Variants in STAC observed in about 807,000 individuals in gnomAD.
STAC encodes SH3 and cysteine rich domain.
In STAC, 43 loss-of-function variants were observed where a neutral mutation model predicts 48.8. The ratio of observed to expected loss-of-function variants is 0.88; its 90% CI spans 0.69 to 1.14. STAC has a LOEUF of 1.14. STAC is among the 50% of genes most tolerant of loss of function. STAC has a pLI of 0.00. For synonymous variants in STAC, 193 were observed against 179.5 expected, an observed-to-expected ratio of 1.07 and a Z score of -0.60; for missense variants, 497 against 504.0, an observed-to-expected ratio of 0.99 and a Z score of 0.13.
intron 1 of STAC, among the ~76,000 whole-genome samples, chr3:36,394,648 G>A: frequency 6.6e-6 from 1 of 152,106 alleles, no homozygotes; most frequent in East Asian, 1.9e-4. Context: ...TGTAATCCCA[G>A]CACTTTGGGA....
chr3:36,488,328 A>C (rs1697871502), intron 5 of STAC, among the ~76,000 whole-genome samples: 2 of 152,326 alleles, frequency 1.3e-5, no homozygotes, highest in Admixed American at 1.3e-4. Context: ...AACAAGGCAA[A>C]TATGTTACCT....
chr3:36,438,030 C>T (rs1192841028), intron 1 of STAC, among the ~76,000 whole-genome samples: 1 of 151,354 alleles, frequency 6.6e-6, no homozygotes, highest in African/African-American at 2.4e-5. Context: ...CCTTGCCTCC[C>T]AGGTTCAAGC....
intron 2 of STAC, among the ~76,000 whole-genome samples, chr3:36,481,611 T>G (rs1226541479): frequency 6.6e-6 from 1 of 152,230 alleles, no homozygotes; most frequent in African/African-American, 2.4e-5. Context: ...AGACTTACTT[T>G]GTTGAAATCC....
chr3:36,492,295 C>G (rs1698008852), intron 5 of STAC, among the ~76,000 whole-genome samples: 1 of 151,846 alleles, frequency 6.6e-6, no homozygotes, highest in Non-Finnish European at 1.5e-5. Flanking sequence ...CCATGAGACT[C>G]TCACCAGCCC....
chr3:36,490,494 TA>T (rs1257491249), intron 5 of STAC, among the ~76,000 whole-genome samples: 1 of 152,144 alleles, frequency 6.6e-6, no homozygotes, highest in Non-Finnish European at 1.5e-5. Context: ...TGAGAGCCAG[TA>T]GGTCATCTCA....
chr3:36,486,150 G>A lies in STAC; in HGVS notation c.588G>A (p.Val196=), dbSNP rs1186433962. The A allele has an allele frequency of 3.7e-6, 6 of 1,613,554 alleles. No homozygotes were observed. Among genetic ancestry groups the A allele is most frequent in the Non-Finnish European group, 5.1e-6 (6 of 1,179,798 alleles). ...EVMPIACGNK[V]DPVYETLRFG... is the part of the protein sequence containing the mutation. ...CTGTTGCAGCCTGTGGCAATAAGGT[G>A]GACCCTGTCTACGAGACCCTCCGCT... Residue 196 remains valine (V), a synonymous_variant, in exon 5 of 11, where the codon GTG becomes GTA. Coordinates refer to ENST00000273183, the MANE Select transcript of STAC (RefSeq NM_003149.3).
chr3:36,493,371 T>C lies in STAC; in HGVS notation c.766+142T>C, dbSNP rs995427022. ...CGAGTGTTCAATGTTCTGGAGAGAA[T>C]GTGAGCATTGTTTCTGGTGGATTTC... On this transcript the variant is annotated intron_variant, in intron 6 of 10. Coordinates refer to ENST00000273183, the MANE Select transcript of STAC (RefSeq NM_003149.3). The C allele has an allele frequency of 4.3e-6, 3 of 691,164 alleles. No individual in the cohort carries two copies. The African/African-American group carries it at 5.4e-5, about 12-fold the overall frequency. The allele number at this position is 691,164 out of a possible 1,614,324, so 42.8% of individuals were successfully genotyped here. A position where few individuals can be genotyped will look rare whatever the true frequency, so the allele number is the denominator to read the frequency against.
chr3:36,412,352 A>G (rs544844358), intron 1 of STAC, among the ~76,000 whole-genome samples: 1 of 152,214 alleles, frequency 6.6e-6, no homozygotes, highest in African/African-American at 2.4e-5. Flanking sequence ...TTGGATGTAC[A>G]TTTCATTGGC....
At chr3:36,440,419 A>G (rs1464421609) in intron 1 of STAC, among the ~76,000 whole-genome samples, 1 of 152,210 alleles carries the variant, frequency 6.6e-6, no homozygotes. Context: ...TTATGCCTGC[A>G]GGACAGCAGG....
chr3:36,468,238 T>C (rs1697230246), intron 2 of STAC, among the ~76,000 whole-genome samples: 1 of 152,082 alleles, frequency 6.6e-6, no homozygotes, highest in South Asian at 2.1e-4. Flanking sequence ...GTTTTAATTT[T>C]ATTGCACTGT....
chr3:36,474,417 A>G (rs1237217948), intron 2 of STAC, among the ~76,000 whole-genome samples: 2 of 152,204 alleles, frequency 1.3e-5, no homozygotes, highest in Non-Finnish European at 2.9e-5. Flanking sequence ...TTTATCATAG[A>G]CAGTGTTGAG....
At chr3:36,385,503 C>T (rs987077442) in intron 1 of STAC, among the ~76,000 whole-genome samples, 1 of 151,840 alleles carries the variant, frequency 6.6e-6, no homozygotes, top group African/African-American at 2.4e-5. Context: ...TTTTAGTAAA[C>T]TTTTCATCAA....
Position 36,485,056 on chromosome 3 carries a change from T to A in STAC, c.569T>A (p.Ile190Asn), listed in dbSNP as rs769350072. 7 of 1,602,052 alleles carry A rather than the reference T, an allele frequency of 4.4e-6. No individual in the cohort carries two copies. The Admixed American group carries it at 1.2e-4, about 28-fold the overall frequency. ...GGCTGCATTAAAGAAGTTATGCCCA[T>A]TGGTGAGTTGGGACATTGATGGGTT... Reference protein sequence around the residue: ...QFGCIKEVMPIACGNKVDPVY... With the variant: ...QFGCIKEVMPNACGNKVDPVY... The change falls in exon 4 of 11, where the codon ATT becomes AAT. Residue 190 changes from isoleucine to asparagine, a missense_variant and splice_region_variant. Coordinates refer to ENST00000273183, the MANE Select transcript of STAC (RefSeq NM_003149.3).
intron 2 of STAC, among the ~76,000 whole-genome samples, chr3:36,445,947 C>T (rs186844331): frequency 7.2e-5 from 11 of 152,310 alleles, no homozygotes; most frequent in Admixed American, 1.3e-4. Context: ...CTCACATTTG[C>T]GCCTTCCCAA....
intron 2 of STAC, among the ~76,000 whole-genome samples, chr3:36,451,910 C>T (rs922647822): frequency 6.6e-6 from 1 of 152,120 alleles, no homozygotes; most frequent in African/African-American, 2.4e-5. Context: ...TGTGATGGAT[C>T]CCACTTGTTT....
At chr3:36,423,941 C>T (rs966592345) in intron 1 of STAC, among the ~76,000 whole-genome samples, 1 of 152,000 alleles carries the variant, frequency 6.6e-6, no homozygotes, top group African/African-American at 2.4e-5. Context: ...AATGATGCTG[C>T]CCTATATTTT....
At chr3:36,462,508 A>G (rs745815945) in intron 2 of STAC, among the ~76,000 whole-genome samples, 37 of 152,186 alleles carry the variant, frequency 2.4e-4, no homozygotes, top group Non-Finnish European at 4.4e-4. Context: ...TAGACAGAGA[A>G]GAGGACCAAT....
chr3:36,435,208 C>T (rs907855135), intron 1 of STAC, among the ~76,000 whole-genome samples: 2 of 152,052 alleles, frequency 1.3e-5, no homozygotes, highest in African/African-American at 4.8e-5. Context: ...ATGGTTATTC[C>T]ACATCTCCCT....
Position 36,483,093 on chromosome 3 carries a change from G to C in STAC, c.489+1G>C, listed in dbSNP as rs1251269977. ...ACCCCAGCGGTGCATGGGCAAGCTG[G>C]TAAGGGCTTGTGCCAGGAGTGAGGC... On this transcript the variant is annotated splice_donor_variant, in intron 3 of 10. Transcript: ENST00000273183. LOFTEE classifies it high-confidence loss of function. 2 of 1,611,960 alleles carry C rather than the reference G, an allele frequency of 1.2e-6. No individual in the cohort carries two copies. Among genetic ancestry groups the C allele is most frequent in the Non-Finnish European group, 1.7e-6 (2 of 1,178,196 alleles).
Sources: allele counts gnomAD v4.1 joint callset (sites outside exome capture counted in the v4.1 genomes callset), GRCh38; gene constraint gnomAD v4.1.1; transcripts MANE v1.5; gene names NCBI Gene and HGNC (gene_info 2026-07-23, HGNC 2026-07-21).